Variants in CARF observed in about 807,000 individuals in gnomAD.
CARF encodes the protein calcium responsive transcription factor.
Under a neutral mutation model 82.0 loss-of-function variants are expected in CARF, and 57 were observed. The ratio of observed to expected loss-of-function variants is 0.70; its 90% CI spans 0.56 to 0.87. The LOEUF (loss-of-function observed/expected upper bound fraction) is 0.87. Among genes scored for constraint, CARF ranks in the 40% least tolerant of loss-of-function variants. The probability of loss-of-function intolerance (pLI) is 0.00; values close to 1 mark genes in which losing one functional copy is unlikely to be tolerated. For missense variants in CARF, 771 were observed against 855.8 expected (o/e 0.90, Z 1.24); for synonymous variants, 268 against 290.1 (o/e 0.92, Z 0.77).
chr2:202,957,792 T>G (rs2059120186), intron 8 of CARF, among the ~76,000 whole-genome samples: 1 of 151,996 alleles, frequency 6.6e-6, no homozygotes, highest in African/African-American at 2.4e-5. Flanking sequence ...CCATCTCTGC[T>G]AAAAATACAA....
Position 202,986,977 on chromosome 2 carries a change from C to T in CARF, c.*3353C>T, listed in dbSNP as rs1477866434. On this transcript the variant is annotated 3_prime_UTR_variant, in exon 17 of 17. Transcript: ENST00000438828. The stretch of plus-strand genomic sequence containing the variant: ...TTAAAAATCCTGCTTTTTTTTTATA[C>T]TTGTTAGTTTTCTTTTTATATTTTT... 3 of 122,862 alleles carry T rather than the reference C, an allele frequency of 2.4e-5. No homozygotes were observed. Among genetic ancestry groups the T allele is most frequent in the Non-Finnish European group, 3.4e-5 (2 of 58,712 alleles). The allele number at this position is 122,862 out of a possible 1,614,324, so 7.6% of individuals were successfully genotyped here.
chr2:202,955,791 T>A, intron 8 of CARF, 33 bp downstream of exon 8: 1 of 1,530,948 alleles, frequency 6.5e-7, no homozygotes, highest in Non-Finnish European at 9.0e-7. Context: ...CTAGAATTAC[T>A]TAACTGATTA....
intron 8 of CARF, among the ~76,000 whole-genome samples, chr2:202,958,648 A>C (rs974304467): frequency 1.3e-5 from 2 of 152,058 alleles, no homozygotes; most frequent in Admixed American, 6.6e-5. Context: ...GCGGTGGCTC[A>C]CGTCTGTCAG....
Position 202,969,935 on chromosome 2 carries a change from G to T in CARF, c.970G>T (p.Val324Leu). The change falls in exon 11 of 17, where the codon GTA becomes TTA. Residue 324 changes from valine (V) to leucine (L), a missense_variant. Transcript: ENST00000438828. Reference sequence around the variant, plus strand: ...TGTATAAAGGATTTACATTAAAAAGGTACAGAAGTTTCCTGAATATAGAGT... The same window carrying T: ...TGTATAAAGGATTTACATTAAAAAGTTACAGAAGTTTCCTGAATATAGAGT... ...TCPARIYIKKVQKFPEYRVPT... is the reference protein window; with the variant it reads ...TCPARIYIKKLQKFPEYRVPT... 6 of 1,520,280 alleles carry T rather than the reference G, an allele frequency of 3.9e-6. No homozygotes were observed. The highest frequency in any genetic ancestry group is 5.3e-6 in the Non-Finnish European group (6 of 1,135,286). 94.2% of individuals were successfully genotyped at this position (1,520,280 alleles called of 1,614,324 possible). A position where few individuals can be genotyped will look rare whatever the true frequency, so the allele number is the denominator to read the frequency against.
chr2:202,931,240 G>A (rs1574523837), intron 3 of CARF, among the ~76,000 whole-genome samples: 1 of 151,986 alleles, frequency 6.6e-6, no homozygotes, highest in South Asian at 2.1e-4. Context: ...CCAAAGTGCT[G>A]GGATTACAGG....
At chr2:202,975,252 A>C (rs2059977990) in intron 13 of CARF, among the ~76,000 whole-genome samples, 1 of 152,042 alleles carries the variant, frequency 6.6e-6, no homozygotes, top group Non-Finnish European at 1.5e-5. Context: ...TCAGAAGATA[A>C]AGACCATCCT....
At chr2:202,970,622 T>C (rs568544019) in intron 11 of CARF, among the ~76,000 whole-genome samples, 230 of 152,314 alleles carry the variant, frequency 1.5e-3, no homozygotes, top group African/African-American at 5.4e-3. Flanking sequence ...GTATGGAATA[T>C]CGTTTTCGTG....
At chr2:202,938,807 TG>T (rs1428472797) in intron 3 of CARF, among the ~76,000 whole-genome samples, 1 of 152,116 alleles carries the variant, frequency 6.6e-6, no homozygotes, top group African/African-American at 2.4e-5. Context: ...CTCAAACTTG[TG>T]GGCTCAAGCG....
At chr2:202,974,586 C>T in intron 13 of CARF, 90 bp downstream of exon 13, 1 of 1,207,748 alleles carries the variant, frequency 8.3e-7, no homozygotes, top group Non-Finnish European at 1.2e-6. Context: ...GTTAGGCCAT[C>T]TGAATAACTG....
intron 3 of CARF, among the ~76,000 whole-genome samples, chr2:202,939,115 A>C (rs989937827): frequency 6.6e-6 from 1 of 152,060 alleles, no homozygotes; most frequent in Admixed American, 6.6e-5. Flanking sequence ...TACATTGAGT[A>C]TGGGTTTCTT....
At chr2:202,916,931 C>T (rs1689779246) in intron 1 of CARF, among the ~76,000 whole-genome samples, 1 of 152,128 alleles carries the variant, frequency 6.6e-6, no homozygotes, top group African/African-American at 2.4e-5. Flanking sequence ...GCTGAGCTCG[C>T]CGGGCGCGGT....
intron 6 of CARF, 140 bp downstream of exon 6, chr2:202,952,819 T>G (rs1393730038): frequency 1.2e-6 from 1 of 825,768 alleles, no homozygotes; most frequent in African/African-American, 1.7e-5. Context: ...AAAACAGCTC[T>G]TTGCCCAAAT....
At chr2:202,970,103 A>G in intron 11 of CARF, 41 bp downstream of exon 11, 1 of 1,483,670 alleles carries the variant, frequency 6.7e-7, no homozygotes, top group Non-Finnish European at 9.0e-7. Flanking sequence ...CAAATTAATT[A>G]GCTCAATTTG....
At chr2:202,952,439 G>C (rs1182944411) in intron 5 of CARF, 120 bp from the exon 6 acceptor site, 3 of 933,432 alleles carry the variant, frequency 3.2e-6, no homozygotes, top group Non-Finnish European at 4.6e-6. Context: ...CTATAAAATG[G>C]GGGAAATCAT....
Position 202,967,867 on chromosome 2 carries a change from A to C in CARF, c.953+769A>C, listed in dbSNP as rs915034427. On this transcript the variant is annotated intron_variant, in intron 10 of 16. Transcript: ENST00000438828. ...GAGACCAATGTAGTAAGTTTTAGATAGATTAGGACTACAGAGTAGTCATTG... is the reference window on the plus strand; with the variant it reads ...GAGACCAATGTAGTAAGTTTTAGATCGATTAGGACTACAGAGTAGTCATTG... 2.6e-5 allele frequency among the ~76,000 whole-genome samples: 4 copies of C among 152,350 alleles called. No individual in the cohort carries two copies. The South Asian group carries it at 8.3e-4, about 32-fold the overall frequency.
intron 10 of CARF, among the ~76,000 whole-genome samples, chr2:202,968,593 T>A (rs973488883): frequency 6.6e-6 from 1 of 152,124 alleles, no homozygotes; most frequent in Non-Finnish European, 1.5e-5. Flanking sequence ...TTCTTAAATA[T>A]AAGCATTATA....
At chr2:202,923,862 C>T (rs545548463) in intron 2 of CARF, among the ~76,000 whole-genome samples, 1 of 152,256 alleles carries the variant, frequency 6.6e-6, no homozygotes, top group East Asian at 1.9e-4. Flanking sequence ...GCAAACAAAA[C>T]CTTCAAGTGG....
chr2:202,917,566 C>T (rs1329926716), intron 1 of CARF, among the ~76,000 whole-genome samples: 1 of 152,086 alleles, frequency 6.6e-6, no homozygotes, highest in African/African-American at 2.4e-5. Flanking sequence ...TAAGTATTTT[C>T]ATTGATGAAA....
chr2:202,981,304 C>T (rs190110559), intron 14 of CARF, among the ~76,000 whole-genome samples: 1 of 152,288 alleles, frequency 6.6e-6, no homozygotes, highest in East Asian at 1.9e-4. Context: ...GTAGAGCTCA[C>T]GCGGTAAGGC....
Sources: allele counts gnomAD v4.1 joint callset (sites outside exome capture counted in the v4.1 genomes callset), GRCh38; gene constraint gnomAD v4.1.1; transcripts MANE v1.5; gene names NCBI Gene and HGNC (gene_info 2026-07-23, HGNC 2026-07-21).